Variants in ANXA10 observed in about 807,000 individuals in gnomAD.
The protein encoded by ANXA10 is annexin A10.
In ANXA10, 49 loss-of-function variants were observed where a neutral mutation model predicts 53.5. The ratio of observed to expected loss-of-function variants is 0.92; its 90% confidence interval spans 0.73 to 1.16. The LOEUF (loss-of-function observed/expected upper bound fraction) is 1.16, where lower values mean the gene tolerates loss of function less well. ANXA10 is among the 50% of genes most tolerant of loss of function. ANXA10 has a pLI of 0.00. For synonymous variants in ANXA10, 131 were observed against 128.9 expected (o/e 1.02, Z -0.11); for missense variants, 393 against 394.4 (o/e 1.00, Z 0.03).
At chr4:168,167,420 T>C (rs759419560) in intron 6 of ANXA10, among the ~76,000 whole-genome samples, 3 of 152,174 alleles carry the variant, frequency 2.0e-5, no homozygotes, top group Non-Finnish European at 2.9e-5. Flanking sequence ...TCTGAGCACA[T>C]TTAAGGTATG....
At chr4:168,156,998 T>C (rs1052426426) in intron 3 of ANXA10, among the ~76,000 whole-genome samples, 1 of 152,102 alleles carries the variant, frequency 6.6e-6, no homozygotes, top group Non-Finnish European at 1.5e-5. Context: ...AATGATGAAG[T>C]TCATATTTTT....
chr4:168,182,423 C>A (rs1220774449), intron 10 of ANXA10, among the ~76,000 whole-genome samples: 1 of 141,882 alleles, frequency 7.0e-6, no homozygotes, highest in Non-Finnish European at 1.5e-5. Context: ...CTCTGCCTCC[C>A]GGGTTCACGC....
In ANXA10 at chr4:168,180,185, T is replaced by C. The variant is rs570149422; in HGVS notation, c.724+873T>C. 2.0e-5 allele frequency among the ~76,000 whole-genome samples: 3 copies of C among 152,220 alleles called. No homozygotes were observed. In the South Asian group the frequency reaches 6.2e-4, roughly 32 times the overall value. ...AAACAGTTTGATGAAACCCCTAAAA[T>C]AGTATGCAATAGATGACTATTAATA... On this transcript the variant is annotated intron_variant, in intron 9 of 11. Coordinates refer to ENST00000359299, the MANE Select transcript of ANXA10 (RefSeq NM_007193.5).
At chr4:168,100,269 T>C (rs1392307340) in intron 1 of ANXA10, among the ~76,000 whole-genome samples, 1 of 152,150 alleles carries the variant, frequency 6.6e-6, no homozygotes, top group African/African-American at 2.4e-5. Context: ...TTATTGGCAA[T>C]GTAGCTTATT....
intron 3 of ANXA10, among the ~76,000 whole-genome samples, chr4:168,158,526 T>G (rs1731727546): frequency 6.6e-6 from 1 of 152,210 alleles, no homozygotes; most frequent in Non-Finnish European, 1.5e-5. Context: ...GTTCTGGTAC[T>G]TTCTTCTAGA....
At chr4:168,093,647 AGCCTGG>A (rs1375507726) in intron 1 of ANXA10, among the ~76,000 whole-genome samples, 5 of 152,212 alleles carry the variant, frequency 3.3e-5, no homozygotes, top group African/African-American at 1.2e-4. Context: ...ACTGCACTCC[AGCCTGG>A]GCGACAGAGC....
chr4:168,152,945 G>A (rs753821375), intron 3 of ANXA10, among the ~76,000 whole-genome samples: 31 of 152,042 alleles, frequency 2.0e-4, no homozygotes, highest in Non-Finnish European at 4.4e-4. Flanking sequence ...ACGGGCTCAG[G>A]TAATCCTCCC....
intron 1 of ANXA10, among the ~76,000 whole-genome samples, chr4:168,102,843 T>C (rs1730661258): frequency 6.6e-6 from 1 of 152,140 alleles, no homozygotes. Flanking sequence ...ACTGGCAAAC[T>C]GTTTTCCCAA....
At chr4:168,157,744 GATTC>G in intron 3 of ANXA10, among the ~76,000 whole-genome samples, 1 of 152,144 alleles carries the variant, frequency 6.6e-6, no homozygotes, top group East Asian at 1.9e-4. Context: ...TTTATGTCTA[GATTC>G]ATTTTCTCAG....
At chr4:168,093,824 T>C (rs905455937) in intron 1 of ANXA10, among the ~76,000 whole-genome samples, 1 of 152,202 alleles carries the variant, frequency 6.6e-6, no homozygotes, top group Non-Finnish European at 1.5e-5. Flanking sequence ...TTTCTTAAGA[T>C]AAATACTGAA....
intron 6 of ANXA10, among the ~76,000 whole-genome samples, chr4:168,174,300 A>G (rs1194937096): frequency 2.0e-5 from 3 of 152,136 alleles, no homozygotes. Flanking sequence ...ACACACCCCT[A>G]TTCACCTGGA....
At position 168,164,187 on chromosome 4, in the gene ANXA10, C is replaced by G; in HGVS notation, c.310-11C>G. ...ATATCCTTACATTTATCTCTTTTTTCCTTTCTCTAGGGAGTAGGCACTGAT... is the reference window on the plus strand; with the variant it reads ...ATATCCTTACATTTATCTCTTTTTTGCTTTCTCTAGGGAGTAGGCACTGAT... On this transcript the variant is annotated splice_polypyrimidine_tract_variant and intron_variant, in intron 4 of 11. Transcript: ENST00000359299. The G allele has an allele frequency of 6.4e-7, 1 of 1,569,988 alleles. No homozygotes were observed. Among genetic ancestry groups the G allele is most frequent in the Non-Finnish European group, 8.7e-7 (1 of 1,145,046 alleles).
intron 3 of ANXA10, among the ~76,000 whole-genome samples, chr4:168,160,171 C>G (rs536044784): frequency 6.6e-6 from 1 of 152,160 alleles, no homozygotes; most frequent in Admixed American, 6.6e-5. Flanking sequence ...AGATATTAAG[C>G]CCATTATCCA....
At chr4:168,104,897 C>G (rs1364873820) in intron 1 of ANXA10, among the ~76,000 whole-genome samples, 2 of 151,606 alleles carry the variant, frequency 1.3e-5, no homozygotes, top group African/African-American at 4.8e-5. Flanking sequence ...TATTATTTCT[C>G]TAATTTCTTG....
At chr4:168,164,332 A>G (rs1445373395) in intron 5 of ANXA10, 44 bp downstream of exon 5, 1 of 1,311,214 alleles carries the variant, frequency 7.6e-7, no homozygotes, top group Admixed American at 1.9e-5. Context: ...ACATATAAGA[A>G]CTTTATAACA....
intron 1 of ANXA10, among the ~76,000 whole-genome samples, chr4:168,111,599 A>T (rs1190198298): frequency 6.6e-6 from 1 of 152,106 alleles, no homozygotes; most frequent in African/African-American, 2.4e-5. Flanking sequence ...AAATACTGTC[A>T]TTTTTTCATA....
chr4:168,127,072 C>T (rs1355444957), intron 1 of ANXA10, among the ~76,000 whole-genome samples: 1 of 152,106 alleles, frequency 6.6e-6, no homozygotes, highest in East Asian at 1.9e-4. Context: ...TGTGGGAAGG[C>T]ATGAATTCCC....
At chr4:168,171,517 C>T (rs1731986607) in intron 6 of ANXA10, among the ~76,000 whole-genome samples, 1 of 152,070 alleles carries the variant, frequency 6.6e-6, no homozygotes, top group African/African-American at 2.4e-5. Context: ...TTCAGACACA[C>T]CCATTTTTTT....
At chr4:168,139,809 CA>C (rs1408366262) in intron 3 of ANXA10, among the ~76,000 whole-genome samples, 5 of 152,190 alleles carry the variant, frequency 3.3e-5, no homozygotes, top group African/African-American at 1.2e-4. Context: ...CCAGTGACCA[CA>C]AGTTCTTTCC....
Sources: allele counts gnomAD v4.1 joint callset (sites outside exome capture counted in the v4.1 genomes callset), GRCh38; gene constraint gnomAD v4.1.1; transcripts MANE v1.5; gene names NCBI Gene and HGNC (gene_info 2026-07-23, HGNC 2026-07-21).